Variants in PRDX3 observed in about 807,000 individuals in gnomAD.
PRDX3 encodes thioredoxin-dependent peroxide reductase, mitochondrial.
PRDX3 carries 20 observed loss-of-function variants against 30.4 expected under a neutral mutation model. The ratio of observed to expected loss-of-function variants is 0.66; its 90% CI spans 0.46 to 0.96. The LOEUF (loss-of-function observed/expected upper bound fraction) is 0.96, where lower values mean the gene tolerates loss of function less well. PRDX3 is among the 40% of genes least tolerant of loss of function. PRDX3 has a pLI of 0.00. For synonymous variants in PRDX3, 124 were observed against 117.8 expected (o/e 1.05, Z -0.34); for missense variants, 322 against 318.3 (o/e 1.01, Z -0.09).
intron 5 of PRDX3, among the ~76,000 whole-genome samples, chr10:119,171,331 C>T (rs141532555): frequency 4.6e-4 from 70 of 151,840 alleles, no homozygotes; most frequent in African/African-American, 1.6e-3. Context: ...TGAGCCACCG[C>T]GCCCGGCCAG....
rs1847818060 is a variant in PRDX3, at chr10:119,168,438, G to C, written c.*42C>G. On this transcript the variant is annotated 3_prime_UTR_variant, in exon 7 of 7. Transcript: ENST00000298510. ...ATGATAAAAGCAGGTTTCAACTGTG[G>C]TTCTTCTCTCAGTTGAGAAGGTGCA... 1.9e-6 allele frequency: 3 copies of C among 1,610,006 alleles called. No homozygotes were observed. Among genetic ancestry groups the C allele is most frequent in the Admixed American group, 1.7e-5 (1 of 59,114 alleles).
intron 5 of PRDX3, among the ~76,000 whole-genome samples, chr10:119,172,046 G>C (rs1014561023): frequency 1.3e-5 from 2 of 152,208 alleles, no homozygotes; most frequent in Non-Finnish European, 2.9e-5. Flanking sequence ...GCATGTCTCA[G>C]CATTTCTGAG....
rs1200013769 is a variant in PRDX3 at position 119,168,377 on chromosome 10, T to C, written c.*103A>G. 4.5e-6 allele frequency: 7 copies of C among 1,570,900 alleles called. No homozygotes were observed. Among genetic ancestry groups the C allele is most frequent in the South Asian group, 2.3e-5 (2 of 85,630 alleles). On this transcript the variant is annotated 3_prime_UTR_variant, in exon 7 of 7. Transcript: ENST00000298510. ...GTAATACTTATGAATACAAGCATAA[T>C]TGGTTCCTTGCCTTCTACAAATAAC...
At chr10:119,178,668 T>C in intron 1 of PRDX3, 87 bp downstream of exon 1, 1 of 1,482,870 alleles carries the variant, frequency 6.7e-7, no homozygotes, top group East Asian at 2.5e-5. Flanking sequence ...ATGGCCCTCA[T>C]GCCCAGAAGC....
At chr10:119,173,207 G>A (rs376710748) in intron 4 of PRDX3, among the ~76,000 whole-genome samples, 12 of 152,102 alleles carry the variant, frequency 7.9e-5, no homozygotes, top group Non-Finnish European at 1.5e-4. Context: ...CAAAGTGCTG[G>A]GATTACAGGC....
chr10:119,176,643 G>C (rs1848033890), intron 2 of PRDX3, among the ~76,000 whole-genome samples: 1 of 152,172 alleles, frequency 6.6e-6, no homozygotes, highest in Non-Finnish European at 1.5e-5. Context: ...TTGAATCTTA[G>C]AGCAGCTGCC....
chr10:119,172,666 A>C (rs915887980), intron 4 of PRDX3, among the ~76,000 whole-genome samples, 181 bp from the exon 5 acceptor site: 2 of 152,232 alleles, frequency 1.3e-5, no homozygotes, highest in Non-Finnish European at 2.9e-5. Flanking sequence ...AGACACTATC[A>C]AAATGAGGAA....
At chr10:119,168,890 G>A (rs1025075949) in intron 6 of PRDX3, among the ~76,000 whole-genome samples, 4 of 150,990 alleles carry the variant, frequency 2.6e-5, no homozygotes, top group African/African-American at 4.9e-5. Flanking sequence ...GGACAATGGC[G>A]TGAACCCAGG....
chr10:119,177,348 G>A (rs1292971736), intron 1 of PRDX3, among the ~76,000 whole-genome samples, 195 bp from the exon 2 acceptor site: 2 of 152,108 alleles, frequency 1.3e-5, no homozygotes, highest in African/African-American at 4.8e-5. Flanking sequence ...AGACTGGAAG[G>A]TGGAGAGGAA....
Position 119,172,453 on chromosome 10 carries a change from G to A in PRDX3, c.480C>T (p.Leu160=). 1 of 1,614,158 alleles carries A rather than the reference G, an allele frequency of 6.2e-7. No homozygotes were observed. The highest frequency in any genetic ancestry group is 1.1e-5 in the South Asian group (1 of 91,082). Reference sequence around the variant, plus strand: ...AAATCTGCTTAGTTAAGTCTGACAAGAGTGCGATGTTCATGTGGCCCAAAC... The same window carrying A: ...AAATCTGCTTAGTTAAGTCTGACAAAAGTGCGATGTTCATGTGGCCCAAAC... ...NGGLGHMNIA[L]LSDLTKQISR... Residue 160 remains leucine, a synonymous_variant, in exon 5 of 7, where the codon CTC becomes CTT. Coordinates refer to ENST00000298510, the MANE Select transcript of PRDX3 (RefSeq NM_006793.5).
At chr10:119,176,881 G>C (rs1466618047) in intron 2 of PRDX3, 140 bp downstream of exon 2, 4 of 970,758 alleles carry the variant, frequency 4.1e-6, no homozygotes, top group Middle Eastern at 5.0e-4. Flanking sequence ...AACTTGTCTG[G>C]GGTGGGACGG....
chr10:119,171,638 C>G (rs1415700713), intron 5 of PRDX3, among the ~76,000 whole-genome samples: 2 of 152,178 alleles, frequency 1.3e-5, no homozygotes, highest in Non-Finnish European at 1.5e-5. Context: ...ATCCTAACAA[C>G]TGCTGCCAGT....
chr10:119,174,922 T>A (rs1365037481), intron 2 of PRDX3: 1 of 172,784 alleles, frequency 5.8e-6, no homozygotes, highest in Non-Finnish European at 1.1e-5. Context: ...GTCGTTAAGC[T>A]GTATTGTTTA....
At chr10:119,174,406 C>G (rs753146765) in intron 3 of PRDX3, 45 bp downstream of exon 3, 7 of 1,559,766 alleles carry the variant, frequency 4.5e-6, no homozygotes, top group Non-Finnish European at 6.1e-6. Context: ...AGGATATGTG[C>G]TTGCTCTCAG....
At chr10:119,172,639 C>A (rs551555756) in intron 4 of PRDX3, among the ~76,000 whole-genome samples, 154 bp from the exon 5 acceptor site, 1 of 152,306 alleles carries the variant, frequency 6.6e-6, no homozygotes, top group Admixed American at 6.5e-5. Context: ...ACTGCCTCCT[C>A]GAAACCACCC....
Position 119,168,265 on chromosome 10 carries a change from A to G in PRDX3, c.*215T>C. The stretch of plus-strand genomic sequence containing the variant: ...GTAGAAACTAGCTAGCCAGCCACCA[A>G]GATGTTACCAATAAAGGATTCCTTG... On this transcript the variant is annotated 3_prime_UTR_variant, in exon 7 of 7. Transcript: ENST00000298510. The G allele has an allele frequency of 1.0e-6, 1 of 955,272 alleles. No individual in the cohort carries two copies. Among genetic ancestry groups the G allele is most frequent in the South Asian group, 1.9e-5 (1 of 53,346 alleles). 59.2% of individuals were successfully genotyped at this position (955,272 alleles called of 1,614,324 possible). A position where few individuals can be genotyped will look rare whatever the true frequency, so the allele number is the denominator to read the frequency against.
chr10:119,173,979 T>C (rs542289798), intron 3 of PRDX3, 107 bp from the exon 4 acceptor site: 22 of 1,113,094 alleles, frequency 2.0e-5, no homozygotes, highest in Non-Finnish European at 2.7e-5. Context: ...AAAGGCAAAA[T>C]GGTTTACCAT....
chr10:119,169,592 C>T (rs1403390669), intron 5 of PRDX3: 5 of 365,638 alleles, frequency 1.4e-5, no homozygotes, highest in African/African-American at 8.3e-5. Flanking sequence ...TACAAGTTCA[C>T]ATAGTGCCCT....
At chr10:119,175,318 A>G (rs1239278549) in intron 2 of PRDX3, among the ~76,000 whole-genome samples, 1 of 152,222 alleles carries the variant, frequency 6.6e-6, no homozygotes, top group Non-Finnish European at 1.5e-5. Context: ...CGGAGTGAAG[A>G]GCAGGCAGCA....
Sources: gnomAD v4.1 joint callset for allele counts (sites outside exome capture counted in the v4.1 genomes callset) on GRCh38, gnomAD v4.1.1 for gene constraint, MANE v1.5 for transcripts, NCBI Gene and HGNC (gene_info 2026-07-23, HGNC 2026-07-21) for gene names.